The following UNC13C variants were observed in gnomAD, a reference collection of about 807,000 sequenced individuals.
The protein encoded by UNC13C is unc-13 homolog C.
UNC13C carries 174 observed loss-of-function variants against 245.4 expected under a neutral mutation model. The ratio of observed to expected loss-of-function variants is 0.71; its 90% CI spans 0.63 to 0.80. The LOEUF is 0.80. Ranked by LOEUF, UNC13C falls within the 30% of genes least tolerant of loss-of-function variation. The pLI is 0.00. For synonymous variants in UNC13C, 992 were observed against 895.1 expected, an observed-to-expected ratio of 1.11 and a Z score of -1.93; for missense variants, 2,829 against 2,602.9, an observed-to-expected ratio of 1.09 and a Z score of -1.89.
At chr15:54,614,151 TA>T (rs1471746958) in intron 30 of UNC13C, among the ~76,000 whole-genome samples, 2 of 152,024 alleles carry the variant, frequency 1.3e-5, no homozygotes, top group Non-Finnish European at 1.5e-5. Context: ...TCAATTGACT[TA>T]TTTTTTTAGA....
the UNC13C span, among the ~76,000 whole-genome samples, chr15:53,930,134 C>A: frequency 6.6e-6 from 1 of 152,158 alleles, no homozygotes; most frequent in Non-Finnish European, 1.5e-5. Flanking sequence ...TTGAAGCTGA[C>A]TGTCAGCTAA....
At chr15:54,326,817 C>T (rs960918123) in intron 14 of UNC13C, among the ~76,000 whole-genome samples, 1 of 151,996 alleles carries the variant, frequency 6.6e-6, no homozygotes, top group Non-Finnish European at 1.5e-5. Flanking sequence ...CAGTGGTATG[C>T]TACAACTGGC....
intron 8 of UNC13C, among the ~76,000 whole-genome samples, chr15:54,250,809 T>C (rs1349758898): frequency 7.4e-6 from 1 of 135,460 alleles, no homozygotes; most frequent in Non-Finnish European, 1.5e-5. Context: ...CCAGCTGGGG[T>C]GCAGTGGCAC....
At chr15:54,330,178 A>C (rs1001426922) in intron 14 of UNC13C, among the ~76,000 whole-genome samples, 1 of 152,078 alleles carries the variant, frequency 6.6e-6, no homozygotes, top group African/African-American at 2.4e-5. Flanking sequence ...AAAAGTCTGA[A>C]TGCTATACCT....
intron 1 of UNC13C, among the ~76,000 whole-genome samples, chr15:53,997,963 C>T (rs913597574): frequency 6.6e-6 from 1 of 151,854 alleles, no homozygotes; most frequent in Non-Finnish European, 1.5e-5. Flanking sequence ...CCACCATGAC[C>T]AGCTAATTTT....
Position 54,393,140 on chromosome 15 carries a change from T to C in UNC13C, c.4806T>C (p.Ile1602=). 4 of 1,610,166 alleles carry C rather than the reference T, an allele frequency of 2.5e-6. No homozygotes were observed. The highest frequency in any genetic ancestry group is 3.4e-6 in the Non-Finnish European group (4 of 1,178,252). The change falls in exon 18 of 33, where the codon ATT becomes ATC. Residue 1602 remains isoleucine (I), a synonymous_variant. Coordinates refer to ENST00000260323, the MANE Select transcript of UNC13C (RefSeq NM_001080534.3). The part of the protein sequence containing the change: ...WPQLITLMVT[I]IDEDKTAYTP... ...AACTTATTACACTGATGGTTACTAT[T>C]ATTGATGAGGATAAAACTGCCTACA...
chr15:54,034,680 C>T (rs185799855), intron 2 of UNC13C, among the ~76,000 whole-genome samples: 6 of 152,294 alleles, frequency 3.9e-5, no homozygotes, highest in African/African-American at 1.2e-4. Context: ...ATGCATACTA[C>T]TGTACAGATT....
At chr15:53,934,340 T>C in the UNC13C span, among the ~76,000 whole-genome samples, 1 of 152,198 alleles carries the variant, frequency 6.6e-6, no homozygotes, top group Non-Finnish European at 1.5e-5. Context: ...CTTGTACCTA[T>C]AATTGTCTAC....
chr15:53,870,305 A>G, the UNC13C span, among the ~76,000 whole-genome samples: 1 of 152,204 alleles, frequency 6.6e-6, no homozygotes, highest in Non-Finnish European at 1.5e-5. Context: ...CTATTTTTCT[A>G]TAATATTAAC....
At position 54,545,230 on chromosome 15, in the gene UNC13C, A is replaced by G. The variant is rs567952148; in HGVS notation, c.5697-1492A>G. 5.6e-4 allele frequency among the ~76,000 whole-genome samples: 85 copies of G among 152,356 alleles called. No homozygotes were observed. The South Asian group carries it at 6.4e-3, about 12-fold the overall frequency. ...CCCTATTTAACAAATGATGTTGGGA[A>G]AACTGGCTAGCCATATGCAGAAAAC... On this transcript the variant is annotated intron_variant, in intron 26 of 32. Transcript: ENST00000260323.
the UNC13C span, among the ~76,000 whole-genome samples, chr15:53,902,794 A>C: frequency 6.6e-6 from 1 of 152,188 alleles, no homozygotes; most frequent in East Asian, 1.9e-4. Context: ...TGAGTACTGC[A>C]TCAAATGGAT....
At chr15:54,382,546 C>T (rs1222980050) in intron 17 of UNC13C, among the ~76,000 whole-genome samples, 2 of 151,942 alleles carry the variant, frequency 1.3e-5, no homozygotes, top group Non-Finnish European at 2.9e-5. Context: ...CGTTGCCCTC[C>T]AGCTTGGGTG....
At chr15:54,280,634 A>T (rs1306993665) in intron 10 of UNC13C, among the ~76,000 whole-genome samples, 3 of 148,922 alleles carry the variant, frequency 2.0e-5, no homozygotes, top group Non-Finnish European at 4.5e-5. Flanking sequence ...ACATACAAGT[A>T]TACATATATA....
Position 54,090,146 on chromosome 15 carries a change from G to A in UNC13C, c.2984-52872G>A, listed in dbSNP as rs528630754. Among the ~76,000 whole-genome samples, 6 of 152,304 alleles carry A rather than the reference G, an allele frequency of 3.9e-5. No individual in the cohort carries two copies. The South Asian group carries it at 8.3e-4, about 21-fold the overall frequency. Reference sequence around the variant, plus strand: ...ATTTTGTGCTTGCCAAAGGGAATCAGCTTCCTGAAAATGGAACCACTTCAG... The same window carrying A: ...ATTTTGTGCTTGCCAAAGGGAATCAACTTCCTGAAAATGGAACCACTTCAG... On this transcript the variant is annotated intron_variant, in intron 2 of 32. Coordinates refer to ENST00000260323, the MANE Select transcript of UNC13C (RefSeq NM_001080534.3).
intron 4 of UNC13C, among the ~76,000 whole-genome samples, chr15:54,233,890 G>C (rs2035618170): frequency 6.6e-6 from 1 of 152,108 alleles, no homozygotes; most frequent in Admixed American, 6.6e-5. Context: ...TCAGCAAGGG[G>C]TTTTGTAGTT....
chr15:54,453,530 G>A (rs910548207), intron 19 of UNC13C, among the ~76,000 whole-genome samples: 2 of 152,154 alleles, frequency 1.3e-5, no homozygotes, highest in African/African-American at 2.4e-5. Flanking sequence ...GGATAATCAG[G>A]TTGTTAGATT....
At chr15:54,150,709 C>A (rs1864420) in intron 4 of UNC13C, among the ~76,000 whole-genome samples, 38,093 of 152,012 alleles carry the variant, frequency 0.25, 4,944 homozygotes, top group Admixed American at 0.29. Context: ...ATATTAACTA[C>A]AAAGACCAGA....
In UNC13C at chr15:54,038,140, T is replaced by TTTC. The variant is rs1555406257; in HGVS notation, c.2983+22254_2983+22255insTTC. ...TATATATATATTTTTTTTTTTTTTTTCCTGAGACAGAGTCTGTGTTGCACA... is the reference window on the plus strand; with the variant it reads ...TATATATATATTTTTTTTTTTTTTTTTTCCCTGAGACAGAGTCTGTGTTGCACA... On this transcript the variant is annotated intron_variant, in intron 2 of 32. Coordinates refer to ENST00000260323, the MANE Select transcript of UNC13C (RefSeq NM_001080534.3). Among the ~76,000 whole-genome samples the TTTC allele has an allele frequency of 2.0e-4, 26 of 127,576 alleles. 2 individuals are homozygous for TTTC. Among genetic ancestry groups the TTTC allele is most frequent in the African/African-American group, 8.0e-4 (25 of 31,110 alleles). The allele number at this position is 127,576 out of a possible 152,430, so 83.7% of individuals were successfully genotyped here.
At chr15:53,991,986 G>C (rs1441815622) in intron 1 of UNC13C, among the ~76,000 whole-genome samples, 3 of 151,946 alleles carry the variant, frequency 2.0e-5, no homozygotes, top group African/African-American at 7.3e-5. Context: ...GCATTATATA[G>C]TATATTCACT....
Sources: gnomAD v4.1 joint callset for allele counts (sites outside exome capture counted in the v4.1 genomes callset) on GRCh38, gnomAD v4.1.1 for gene constraint, MANE v1.5 for transcripts, NCBI Gene and HGNC (gene_info 2026-07-23, HGNC 2026-07-21) for gene names.